Variants in UNC80 observed in about 807,000 individuals in gnomAD.
UNC80 encodes the protein unc-80 subunit of NALCN channel complex.
In UNC80, 164 loss-of-function variants were observed where a neutral mutation model predicts 384.6. That is an observed-to-expected ratio of 0.43 (90% CI 0.38 to 0.49). UNC80 has a LOEUF of 0.49. UNC80 is among the 20% of genes least tolerant of loss of function. The pLI, the probability that UNC80 is intolerant of heterozygous loss-of-function variation, is 0.00. For missense variants in UNC80, 3,330 were observed against 4,143.0 expected (o/e 0.80, Z 5.39); for synonymous variants, 1,486 against 1,527.8 (o/e 0.97, Z 0.64).
At chr2:209,806,175 T>C (rs2078884171) in intron 7 of UNC80, among the ~76,000 whole-genome samples, 1 of 152,228 alleles carries the variant, frequency 6.6e-6, no homozygotes, top group Non-Finnish European at 1.5e-5. Context: ...AAATATTCAT[T>C]AGCTTATATT....
chr2:209,979,838 A>T (rs951865415), intron 59 of UNC80, among the ~76,000 whole-genome samples: 1 of 152,238 alleles, frequency 6.6e-6, no homozygotes, highest in African/African-American at 2.4e-5. Flanking sequence ...TCCATACCAA[A>T]CAACAACAAA....
chr2:209,930,146 A>G (rs2090740522), intron 37 of UNC80, among the ~76,000 whole-genome samples, 175 bp downstream of exon 37: 1 of 152,012 alleles, frequency 6.6e-6, no homozygotes, highest in Non-Finnish European at 1.5e-5. Flanking sequence ...GCTGTTTTTA[A>G]TTTCTCCATT....
rs765430281 is a variant in UNC80, at chr2:209,786,059, C to G, written c.601-7C>G. 6 of 1,612,560 alleles carry G rather than the reference C, an allele frequency of 3.7e-6. No homozygotes were observed. In the Admixed American group the frequency reaches 8.3e-5, roughly 22 times the overall value. ...TTATTGGACATATATCTTCTCCTCCCCCCTAGGAATCTGACCTCACCTTCC... is the reference window on the plus strand; with the variant it reads ...TTATTGGACATATATCTTCTCCTCCGCCCTAGGAATCTGACCTCACCTTCC... On this transcript the variant is annotated splice_polypyrimidine_tract_variant and splice_region_variant and intron_variant, in intron 4 of 64. Transcript: ENST00000673920.
intron 26 of UNC80, among the ~76,000 whole-genome samples, chr2:209,890,198 T>A (rs1281399732): frequency 1.3e-5 from 2 of 152,202 alleles, no homozygotes; most frequent in Non-Finnish European, 2.9e-5. Context: ...ATCTAATATG[T>A]CTATGTTTCT....
rs531373425 is a variant in UNC80, at chr2:209,857,722, C to A, written c.3627+8099C>A. Among the ~76,000 whole-genome samples the A allele has an allele frequency of 1.6e-4, 24 of 152,236 alleles. No homozygotes were observed. The South Asian group carries it at 5.0e-3, about 32-fold the overall frequency. ...TTTCCTCTAAGTACTACTTTAACTG[C>A]ATACCATAAATTTTGATAAGCAGTA... On this transcript the variant is annotated intron_variant, in intron 22 of 64. Transcript: ENST00000673920.
At chr2:209,920,984 C>T (rs948680380) in intron 33 of UNC80, among the ~76,000 whole-genome samples, 2 of 151,998 alleles carry the variant, frequency 1.3e-5, no homozygotes. Context: ...TGCGCCACCA[C>T]GCCCAGCTAA....
intron 22 of UNC80, among the ~76,000 whole-genome samples, chr2:209,858,687 CT>C (rs1011937887): frequency 1.5e-5 from 2 of 133,256 alleles, no homozygotes; most frequent in African/African-American, 5.7e-5. Context: ...GAATGAAACC[CT>C]GTTTCCAAAA....
rs190943241 is a variant in UNC80 at position 209,824,928 on chromosome 2, A to T, written c.2332-979A>T. ...ATTTGCAGAACAATTCTCATCCATT[A>T]TTTAATTTGCTCTGCATAGTAAACC... On this transcript the variant is annotated intron_variant, in intron 13 of 64. Coordinates refer to ENST00000673920, the MANE Select transcript of UNC80 (RefSeq NM_001371986.1). Among the ~76,000 whole-genome samples, 169 of 152,328 alleles carry T rather than the reference A, an allele frequency of 1.1e-3. 4 individuals are homozygous for T. The East Asian group carries it at 0.028, about 26-fold the overall frequency.
intron 61 of UNC80, among the ~76,000 whole-genome samples, 178 bp from the exon 62 acceptor site, chr2:209,991,988 C>G (rs1357422925): frequency 6.6e-6 from 1 of 152,136 alleles, no homozygotes; most frequent in Non-Finnish European, 1.5e-5. Context: ...GCTACAAGGC[C>G]TTGTCCTCCC....
intron 22 of UNC80, chr2:209,869,267 T>C (rs1422664217): frequency 6.6e-6 from 1 of 152,192 alleles, no homozygotes; most frequent in African/African-American, 2.4e-5. Flanking sequence ...AAATTGACTT[T>C]CCTTTATGCT....
chr2:209,931,808 C>A (rs1575059864), intron 38 of UNC80, among the ~76,000 whole-genome samples: 1 of 152,148 alleles, frequency 6.6e-6, no homozygotes, highest in African/African-American at 2.4e-5. Context: ...TGCCTACTTG[C>A]TGGTTGGCAA....
chr2:209,880,794 C>A (rs1365595651), intron 24 of UNC80, among the ~76,000 whole-genome samples, 167 bp from the exon 25 acceptor site: 1 of 152,116 alleles, frequency 6.6e-6, no homozygotes, highest in Non-Finnish European at 1.5e-5. Flanking sequence ...ATTGAACTTA[C>A]ATAGATATAG....
chr2:209,974,213 A>G (rs1030449382), intron 56 of UNC80, among the ~76,000 whole-genome samples: 3 of 152,190 alleles, frequency 2.0e-5, no homozygotes, highest in Admixed American at 1.3e-4. Flanking sequence ...TGGAGTATGG[A>G]GGGGTGTTTG....
At chr2:209,845,486 G>A (rs1273810382) in intron 21 of UNC80, among the ~76,000 whole-genome samples, 1 of 151,996 alleles carries the variant, frequency 6.6e-6, no homozygotes, top group Non-Finnish European at 1.5e-5. Context: ...TTATTACCAC[G>A]ATTCCTACGG....
chr2:209,903,399 T>G (rs112953944), intron 28 of UNC80, among the ~76,000 whole-genome samples: 1 of 121,396 alleles, frequency 8.2e-6, no homozygotes, highest in Non-Finnish European at 1.6e-5. Context: ...TATTTATATA[T>G]ATATTATATA....
intron 51 of UNC80, among the ~76,000 whole-genome samples, chr2:209,966,802 G>C (rs532226996): frequency 6.6e-6 from 1 of 152,074 alleles, no homozygotes; most frequent in Non-Finnish European, 1.5e-5. Flanking sequence ...AGTACAACTG[G>C]GTCTATTATA....
At chr2:209,938,710 C>CTCTGTG (rs1491352008) in intron 42 of UNC80, among the ~76,000 whole-genome samples, 3 of 83,384 alleles carry the variant, frequency 3.6e-5, no homozygotes, top group African/African-American at 1.2e-4. Flanking sequence ...CTCTCTCTCT[C>CTCTGTG]TGTGTGTGTG....
At chr2:209,793,400 A>G (rs2077950388) in intron 6 of UNC80, among the ~76,000 whole-genome samples, 1 of 152,216 alleles carries the variant, frequency 6.6e-6, no homozygotes, top group South Asian at 2.1e-4. Context: ...CTGTATGATG[A>G]ATTCTTGATG....
At chr2:209,962,536 T>A (rs1326502140) in intron 51 of UNC80, among the ~76,000 whole-genome samples, 2 of 152,192 alleles carry the variant, frequency 1.3e-5, no homozygotes, top group Non-Finnish European at 2.9e-5. Context: ...TGGCACAATG[T>A]CATAATGCAG....
Sources: allele counts gnomAD v4.1 joint callset (sites outside exome capture counted in the v4.1 genomes callset), GRCh38; gene constraint gnomAD v4.1.1; transcripts MANE v1.5; gene names NCBI Gene and HGNC (gene_info 2026-07-23, HGNC 2026-07-21).